The following BCAS4 variants were observed in gnomAD, a reference collection of about 807,000 sequenced individuals.
The protein encoded by BCAS4 is breast carcinoma amplified sequence 4.
In BCAS4, 9 loss-of-function variants were observed where a neutral mutation model predicts 15.7. The observed-to-expected ratio is 0.57, with a 90% CI of 0.34 to 1.00. The LOEUF (loss-of-function observed/expected upper bound fraction) is 1.00. BCAS4 is among the 50% of genes least tolerant of loss of function. The pLI is 0.02. For synonymous variants in BCAS4, 101 were observed against 99.5 expected (o/e 1.02, Z -0.09); for missense variants, 225 against 239.1 (o/e 0.94, Z 0.39).
intron 4 of BCAS4, among the ~76,000 whole-genome samples, chr20:50,871,134 G>C (rs1476772124): frequency 1.3e-5 from 2 of 152,222 alleles, no homozygotes; most frequent in Non-Finnish European, 2.9e-5. Context: ...AAACCCCAGG[G>C]TTTGAGTTTG....
intron 2 of BCAS4, among the ~76,000 whole-genome samples, chr20:50,824,959 T>C (rs1380374997): frequency 6.6e-6 from 1 of 152,228 alleles, no homozygotes; most frequent in African/African-American, 2.4e-5. Context: ...CTTTGCCCGA[T>C]GAATGACATC....
chr20:50,805,976 C>CAAA (rs3068943), intron 1 of BCAS4, among the ~76,000 whole-genome samples: 28 of 121,948 alleles, frequency 2.3e-4, no homozygotes, highest in Non-Finnish European at 3.1e-4. Context: ...GACTCCATCT[C>CAAA]AAAAAAAAAA....
At position 50,832,478 on chromosome 20, in the gene BCAS4, G is replaced by A. The variant is rs560558112; in HGVS notation, c.264+2098G>A. On this transcript the variant is annotated intron_variant, in intron 3 of 4. Coordinates refer to ENST00000371608, the MANE Select transcript of BCAS4 (RefSeq NM_198799.4). The stretch of plus-strand genomic sequence containing the variant: ...TTGCCATATTGTCTAGGCTGCTCTC[G>A]AACTCCCGACCTCAAGAGATCTGCC... Among the ~76,000 whole-genome samples, 35 of 152,024 alleles carry A rather than the reference G, an allele frequency of 2.3e-4. No individual in the cohort carries two copies. The East Asian group carries it at 6.4e-3, about 28-fold the overall frequency.
At chr20:50,810,937 G>A (rs2088054247) in intron 1 of BCAS4, among the ~76,000 whole-genome samples, 1 of 152,174 alleles carries the variant, frequency 6.6e-6, no homozygotes, top group Non-Finnish European at 1.5e-5. Context: ...AAAGGGAAAA[G>A]TAAATTGGGG....
rs377247706 is a variant in BCAS4 at position 50,809,536 on chromosome 20, T to C, written c.91-8675T>C. ...TATAGTATATTTTGAAATCAGGTAA[T>C]GTGATGCCTCCAGATTTGTTCTTTT... On this transcript the variant is annotated intron_variant, in intron 1 of 4. Transcript: ENST00000371608. Among the ~76,000 whole-genome samples the C allele has an allele frequency of 2.8e-4, 42 of 152,298 alleles. No individual in the cohort carries two copies. The South Asian group carries it at 5.2e-3, about 19-fold the overall frequency.
intron 4 of BCAS4, among the ~76,000 whole-genome samples, chr20:50,873,818 C>T (rs912811962): frequency 2.6e-5 from 4 of 152,236 alleles, no homozygotes; most frequent in East Asian, 3.9e-4. Flanking sequence ...CTGGGCACAA[C>T]GTTCCATTCG....
At chr20:50,850,780 G>C (rs1978366714) in intron 4 of BCAS4, among the ~76,000 whole-genome samples, 1 of 151,732 alleles carries the variant, frequency 6.6e-6, no homozygotes, top group Non-Finnish European at 1.5e-5. Context: ...TGGTGTGTTT[G>C]AGTCTCCCCC....
At position 50,830,275 on chromosome 20, in the gene BCAS4, G is replaced by A. The variant is rs758457939; in HGVS notation, c.163-4G>A. On this transcript the variant is annotated splice_region_variant and splice_polypyrimidine_tract_variant and intron_variant, in intron 2 of 4. Coordinates refer to ENST00000371608, the MANE Select transcript of BCAS4 (RefSeq NM_198799.4). ...GGCCTGATGAGCTGTTTTGTTCCTT[G>A]CAGATCAGGAGTGATACTTCACAGA... 3 of 1,612,584 alleles carry A rather than the reference G, an allele frequency of 1.9e-6. No individual in the cohort carries two copies. The highest frequency in any genetic ancestry group is 2.5e-6 in the Non-Finnish European group (3 of 1,178,666).
chr20:50,858,410 T>C (rs1301810271), intron 4 of BCAS4, among the ~76,000 whole-genome samples: 1 of 152,072 alleles, frequency 6.6e-6, no homozygotes, highest in East Asian at 1.9e-4. Flanking sequence ...GAGACCAGCC[T>C]GGCCAACATG....
In BCAS4 at chr20:50,876,549, T is replaced by C. The variant is rs200221262; in HGVS notation, c.463T>C (p.Phe155Leu). The change falls in exon 5 of 5, where the codon TTT (phenylalanine) becomes CTT (leucine). Residue 155 changes from phenylalanine (F) to leucine (L), a missense_variant. Transcript: ENST00000371608. The part of the protein sequence containing the change: ...LPTLYRTEDY[F>L]PVDAGEAQHH... ...CACACTGTATAGGACGGAGGACTAT[T>C]TTCCTGTGGACGCCGGGGAAGCACA... The C allele has an allele frequency of 1.9e-6, 3 of 1,614,058 alleles. No individual in the cohort carries two copies. In the African/African-American group the frequency reaches 4.0e-5, roughly 22 times the overall value.
chr20:50,817,991 A>G (rs944123260), intron 1 of BCAS4, among the ~76,000 whole-genome samples: 1 of 152,104 alleles, frequency 6.6e-6, no homozygotes. Flanking sequence ...AAAGCTGCAT[A>G]GAATGGAGAG....
At chr20:50,817,216 G>A (rs2088150780) in intron 1 of BCAS4, among the ~76,000 whole-genome samples, 1 of 151,902 alleles carries the variant, frequency 6.6e-6, no homozygotes, top group Middle Eastern at 3.2e-3. Context: ...GGGATTACAG[G>A]CATAAGCCAC....
rs572976762 is a variant in BCAS4 at position 50,828,609 on chromosome 20, G to C, written c.163-1670G>C. On this transcript the variant is annotated intron_variant, in intron 2 of 4. Transcript: ENST00000371608. The stretch of plus-strand genomic sequence containing the variant: ...AACCTGGCCAACGTGGTGAAACCCC[G>C]TCTCTACTAAAATACAAAAACTACG... 1.2e-3 allele frequency among the ~76,000 whole-genome samples: 183 copies of C among 152,230 alleles called. 1 individual carries two copies. Among genetic ancestry groups the C allele is most frequent in the Admixed American group, 2.9e-3 (44 of 15,288 alleles).
chr20:50,803,357 A>G (rs1776533327), intron 1 of BCAS4, among the ~76,000 whole-genome samples: 1 of 152,188 alleles, frequency 6.6e-6, no homozygotes. Flanking sequence ...TGCAAGGGGC[A>G]TGTGTGTGTG....
At chr20:50,820,954 A>G (rs2088206456) in intron 2 of BCAS4, among the ~76,000 whole-genome samples, 1 of 152,312 alleles carries the variant, frequency 6.6e-6, no homozygotes, top group East Asian at 1.9e-4. Flanking sequence ...CATGTGAAAA[A>G]TCTAGAGTTC....
At chr20:50,863,892 GCTCTGTCCTGC>G (rs34507061) in intron 4 of BCAS4, among the ~76,000 whole-genome samples, 34,554 of 152,034 alleles carry the variant, frequency 0.23, 5,761 homozygotes, top group African/African-American at 0.47. Flanking sequence ...TCCATTTGCT[GCTCTGTCCTGC>G]AAGTGGGTCA....
intron 4 of BCAS4, among the ~76,000 whole-genome samples, chr20:50,868,965 C>T (rs1356685094): frequency 2.6e-5 from 4 of 152,338 alleles, no homozygotes; most frequent in African/African-American, 4.8e-5. Flanking sequence ...CCAGGCTTCT[C>T]CTGGCTGCTA....
chr20:50,838,889 G>T (rs1464315920), intron 3 of BCAS4, among the ~76,000 whole-genome samples: 1 of 151,932 alleles, frequency 6.6e-6, no homozygotes, highest in Non-Finnish European at 1.5e-5. Flanking sequence ...CACAAGCAGG[G>T]CCACACCCCA....
intron 4 of BCAS4, among the ~76,000 whole-genome samples, chr20:50,854,231 C>T (rs189344919): frequency 4.9e-4 from 74 of 152,200 alleles, no homozygotes; most frequent in African/African-American, 1.7e-3. Context: ...GCTCCATGGC[C>T]TTGGGAGAGT....
Sources: gnomAD v4.1 joint callset for allele counts (sites outside exome capture counted in the v4.1 genomes callset) on GRCh38, gnomAD v4.1.1 for gene constraint, MANE v1.5 for transcripts, NCBI Gene and HGNC (gene_info 2026-07-23, HGNC 2026-07-21) for gene names.